Variants in RRAGD observed in about 807,000 individuals in gnomAD.
RRAGD encodes ras-related GTP-binding protein D.
In RRAGD, 12 loss-of-function variants were observed where a neutral mutation model predicts 35.5. The ratio of observed to expected loss-of-function variants is 0.34; its 90% confidence interval spans 0.22 to 0.55. The LOEUF (loss-of-function observed/expected upper bound fraction) is 0.55, where lower values mean the gene tolerates loss of function less well. Ranked by LOEUF, RRAGD falls within the 20% of genes least tolerant of loss-of-function variation. The pLI is 0.91. For missense variants in RRAGD, 324 were observed against 490.1 expected (o/e 0.66, Z 3.20); for synonymous variants, 155 against 178.9 (o/e 0.87, Z 1.07).
At chr6:89,388,770 C>T (rs1227652979) in intron 1 of RRAGD, among the ~76,000 whole-genome samples, 2 of 152,164 alleles carry the variant, frequency 1.3e-5, no homozygotes, top group Admixed American at 6.5e-5. Flanking sequence ...TGAAATAATT[C>T]TCAAGTCACC....
At chr6:89,395,007 A>C (rs1450275944) in intron 1 of RRAGD, among the ~76,000 whole-genome samples, 1 of 152,230 alleles carries the variant, frequency 6.6e-6, no homozygotes, top group African/African-American at 2.4e-5. Flanking sequence ...CTGTAATCTC[A>C]GCACTTTGGG....
intron 6 of RRAGD, among the ~76,000 whole-genome samples, chr6:89,371,776 G>A (rs958005155): frequency 1.3e-5 from 2 of 152,102 alleles, no homozygotes; most frequent in African/African-American, 4.8e-5. Flanking sequence ...CAGTAAGCTA[G>A]GGACTTCTGT....
At chr6:89,406,434 G>A (rs1769580791) in intron 1 of RRAGD, among the ~76,000 whole-genome samples, 1 of 152,130 alleles carries the variant, frequency 6.6e-6, no homozygotes, top group Admixed American at 6.6e-5. Context: ...ACGTCGAGAG[G>A]AGCACATCAG....
In RRAGD at chr6:89,377,728, G is replaced by A; in HGVS notation, c.845C>T (p.Thr282Ile). The A allele has an allele frequency of 1.2e-6, 2 of 1,612,474 alleles. No homozygotes were observed. The highest frequency in any genetic ancestry group is 1.7e-6 in the Non-Finnish European group (2 of 1,179,314). ...TATCATATCACAGCAGAGCTCATAGGTTTGCATATCCACCGGAGTACTATC... is the reference window on the plus strand; with the variant it reads ...TATCATATCACAGCAGAGCTCATAGATTTGCATATCCACCGGAGTACTATC... ...ATDSTPVDMQ[T>I]YELCCDMIDV... The change falls in exon 5 of 7, where the codon ACC becomes ATC. Residue 282 changes from threonine (T) to isoleucine (I), a missense_variant. This residue lies in a region of RRAGD where 152 missense variants were observed against 296.9 expected (regional missense o/e 0.51). Transcript: ENST00000369415.
Position 89,368,173 on chromosome 6 carries a change from C to A in RRAGD, c.1086G>T (p.Lys362Asn). Residue 362 changes from lysine (K) to asparagine (N), a missense_variant, in exon 7 of 7, where the codon AAG (lysine) becomes AAT (asparagine). This residue lies in a region of RRAGD where 68 missense variants were observed against 76.8 expected (regional missense o/e 0.89). Transcript: ENST00000369415. ...LIDYNFHCFR[K>N]AIHEVFEVRM... is the part of the protein sequence containing the mutation. ...TCACCTCAAAAACTTCATGAATGGC[C>A]TTCCGGAAGCAATGAAAATTATAGT... 1.2e-6 allele frequency: 2 copies of A among 1,613,852 alleles called. No homozygotes were observed. Among genetic ancestry groups the A allele is most frequent in the Non-Finnish European group, 1.7e-6 (2 of 1,179,876 alleles).
intron 1 of RRAGD, among the ~76,000 whole-genome samples, chr6:89,405,355 A>AAC (rs1769558298): frequency 6.8e-6 from 1 of 146,118 alleles, no homozygotes; most frequent in South Asian, 2.2e-4. Context: ...CTCCGTCTCA[A>AAC]AAAAAAAAAA....
chr6:89,391,580 G>C (rs1421187141), intron 1 of RRAGD, among the ~76,000 whole-genome samples: 1 of 152,162 alleles, frequency 6.6e-6, no homozygotes, highest in Admixed American at 6.5e-5. Flanking sequence ...AAAGTAGTTA[G>C]TGGTTGCCAG....
intron 2 of RRAGD, among the ~76,000 whole-genome samples, chr6:89,383,441 T>A (rs1327954364): frequency 6.6e-6 from 1 of 152,222 alleles, no homozygotes. Context: ...GGATTGCAGG[T>A]GATTTTTCCC....
Position 89,375,726 on chromosome 6 carries a change from T to C in RRAGD, c.902+1945A>G, listed in dbSNP as rs116084551. 8.3e-3 allele frequency among the ~76,000 whole-genome samples: 1,266 copies of C among 152,330 alleles called. 15 individuals carry two copies. The highest frequency in any genetic ancestry group is 0.029 in the African/African-American group (1,190 of 41,572). ...CTTGTTGCTGCTCCAGCAAACAATC[T>C]GAGGAAACCCCAGAGCCCACAAACC... On this transcript the variant is annotated intron_variant, in intron 5 of 6. Coordinates refer to ENST00000369415, the MANE Select transcript of RRAGD (RefSeq NM_021244.5).
In RRAGD at chr6:89,387,316, C is replaced by G. The variant is rs556472790; in HGVS notation, c.423G>C (p.Leu141=). ...YEMIFRGTGA[L]IFVIDSQDDY... ...TTACCTGTGAGTCAATGACAAATAT[C>G]AGTGCTCCTGTTCCCCGGAAGATCA... The change falls in exon 2 of 7, where the codon CTG becomes CTC. Residue 141 remains leucine (L), a synonymous_variant. Coordinates refer to ENST00000369415, the MANE Select transcript of RRAGD (RefSeq NM_021244.5). 1 of 1,613,814 alleles carries G rather than the reference C, an allele frequency of 6.2e-7. No homozygotes were observed. The highest frequency in any genetic ancestry group is 1.7e-5 in the Admixed American group (1 of 60,006).
intron 1 of RRAGD, among the ~76,000 whole-genome samples, chr6:89,396,318 G>A (rs1769329726): frequency 6.6e-6 from 1 of 152,126 alleles, no homozygotes; most frequent in African/African-American, 2.4e-5. Flanking sequence ...ACAAGACACA[G>A]ACTAGAAGAA....
chr6:89,381,574 C>A (rs1324244263), intron 2 of RRAGD, among the ~76,000 whole-genome samples: 1 of 152,014 alleles, frequency 6.6e-6, no homozygotes, highest in East Asian at 1.9e-4. Context: ...CATATATATC[C>A]CCAAACATCA....
At chr6:89,402,257 A>T (rs1209100554) in intron 1 of RRAGD, among the ~76,000 whole-genome samples, 1 of 151,940 alleles carries the variant, frequency 6.6e-6, no homozygotes, top group Non-Finnish European at 1.5e-5. Context: ...CATGTTGGCC[A>T]GGCTGGTCTT....
Position 89,399,567 on chromosome 6 carries a change from T to C in RRAGD, c.149-11977A>G, listed in dbSNP as rs150697588. Among the ~76,000 whole-genome samples the C allele has an allele frequency of 3.3e-3, 497 of 151,524 alleles. 2 individuals carry two copies. Among genetic ancestry groups the C allele is most frequent in the Non-Finnish European group, 5.2e-3 (355 of 67,864 alleles). On this transcript the variant is annotated intron_variant, in intron 1 of 6. Coordinates refer to ENST00000369415, the MANE Select transcript of RRAGD (RefSeq NM_021244.5). Reference sequence around the variant, plus strand: ...AGGGCAAATTGCTTGAGCCCAGGAGTTCAAGATCAGCCTGGGCAACATGGC... The same window carrying C: ...AGGGCAAATTGCTTGAGCCCAGGAGCTCAAGATCAGCCTGGGCAACATGGC...
intron 1 of RRAGD, among the ~76,000 whole-genome samples, chr6:89,401,002 T>C (rs1375067033): frequency 6.6e-6 from 1 of 152,112 alleles, no homozygotes; most frequent in Non-Finnish European, 1.5e-5. Flanking sequence ...GAAAAACGAT[T>C]CATCCCCCAG....
chr6:89,364,908 T>A lies in RRAGD; in HGVS notation c.*3148A>T, dbSNP rs1768712619. On this transcript the variant is annotated 3_prime_UTR_variant, in exon 7 of 7. Coordinates refer to ENST00000369415, the MANE Select transcript of RRAGD (RefSeq NM_021244.5). The stretch of plus-strand genomic sequence containing the variant: ...CTTTTAAATTGGCAGTTAACATTCT[T>A]GAAAGCAATGGCTTAACAATGGTTA... 1 of 152,222 alleles carries A rather than the reference T, an allele frequency of 6.6e-6. No individual in the cohort carries two copies. Among genetic ancestry groups the A allele is most frequent in the Non-Finnish European group, 1.5e-5 (1 of 68,032 alleles). 9.4% of individuals were successfully genotyped at this position (152,222 alleles called of 1,614,324 possible).
chr6:89,407,584 G>A (rs1344976149), intron 1 of RRAGD, among the ~76,000 whole-genome samples: 1 of 152,216 alleles, frequency 6.6e-6, no homozygotes, highest in Non-Finnish European at 1.5e-5. Context: ...GGAGGTTGCA[G>A]TGAGCCGAGA....
intron 1 of RRAGD, among the ~76,000 whole-genome samples, chr6:89,399,250 G>A (rs1769402619): frequency 6.6e-6 from 1 of 152,188 alleles, no homozygotes; most frequent in Non-Finnish European, 1.5e-5. Flanking sequence ...GAGTATGTAT[G>A]CATGTTTACA....
In RRAGD at chr6:89,387,305, A is replaced by G. The variant is rs1313027602; in HGVS notation, c.434T>C (p.Ile145Thr). 2 of 1,613,268 alleles carry G rather than the reference A, an allele frequency of 1.2e-6. No homozygotes were observed. The highest frequency in any genetic ancestry group is 1.3e-5 in the African/African-American group (1 of 74,898). ...FRGTGALIFV[I>T]DSQDDYMEAL... ...GACTCTGAGCTTTACCTGTGAGTCA[A>G]TGACAAATATCAGTGCTCCTGTTCC... The change falls in exon 2 of 7, where the codon ATT (isoleucine) becomes ACT (threonine). Residue 145 changes from isoleucine to threonine, a missense_variant. By Grantham distance (89) the Ile-to-Thr change is moderately conservative (BLOSUM62 -1). Around this residue, in one of 5 missense-constraint regions of RRAGD, gnomAD observed 152 missense variants for 296.9 expected, o/e 0.51. Transcript: ENST00000369415.
Sources: gnomAD v4.1 joint callset for allele counts (sites outside exome capture counted in the v4.1 genomes callset) on GRCh38, gnomAD v4.1.1 for gene constraint, gnomAD v4.1.1 regional missense constraint, MANE v1.5 for transcripts, NCBI Gene and HGNC (gene_info 2026-07-23, HGNC 2026-07-21) for gene names.